STXBP5L: variants seen among roughly 807,000 people sequenced by gnomAD.
STXBP5L encodes syntaxin binding protein 5L, also known as syntaxin-binding protein 5-like.
STXBP5L carries 65 observed loss-of-function variants against 144.5 expected under a neutral mutation model. The ratio of observed to expected loss-of-function variants is 0.45; its 90% confidence interval spans 0.37 to 0.55. STXBP5L has a LOEUF of 0.55. Ranked by LOEUF, STXBP5L falls within the 20% of genes least tolerant of loss-of-function variation. The pLI, the probability that STXBP5L is intolerant of heterozygous loss-of-function variation, is 0.00. For missense variants in STXBP5L, 1,298 were observed against 1,405.5 expected (o/e 0.92, Z 1.22); for synonymous variants, 505 against 469.6 (o/e 1.08, Z -0.97).
chr3:121,234,523 T>C (rs1470336972), intron 12 of STXBP5L, among the ~76,000 whole-genome samples: 1 of 152,156 alleles, frequency 6.6e-6, no homozygotes, highest in African/African-American at 2.4e-5. Flanking sequence ...TATTTGCTGT[T>C]GCTTAAAGAT....
chr3:121,024,051 C>T (rs1413048106), intron 3 of STXBP5L, among the ~76,000 whole-genome samples: 1 of 152,038 alleles, frequency 6.6e-6, no homozygotes, highest in Non-Finnish European at 1.5e-5. Flanking sequence ...AGCCACCGTG[C>T]CTGGCCTAAA....
chr3:120,983,232 G>T (rs753646705), intron 3 of STXBP5L, among the ~76,000 whole-genome samples: 34 of 152,276 alleles, frequency 2.2e-4, no homozygotes, highest in Non-Finnish European at 3.5e-4. Flanking sequence ...TCTCAGAGTG[G>T]TGCTGGCTTC....
chr3:121,036,513 G>A (rs80064895), intron 3 of STXBP5L, among the ~76,000 whole-genome samples: 21,447 of 151,908 alleles, frequency 0.14, 1,668 homozygotes, highest in South Asian at 0.27. Context: ...CTAGTATCTA[G>A]CATGATAGTA....
intron 9 of STXBP5L, among the ~76,000 whole-genome samples, chr3:121,160,868 T>A (rs1310934338): frequency 6.6e-6 from 1 of 152,186 alleles, no homozygotes; most frequent in Non-Finnish European, 1.5e-5. Context: ...ACATATTTTT[T>A]ATTGGTTGCT....
intron 3 of STXBP5L, among the ~76,000 whole-genome samples, chr3:120,991,831 G>A (rs920702625): frequency 4.0e-5 from 6 of 149,786 alleles, no homozygotes; most frequent in Admixed American, 2.1e-4. Flanking sequence ...GCAGGGGGGA[G>A]GGATAGCATT....
chr3:121,358,817 G>C (rs1237672702), intron 20 of STXBP5L, among the ~76,000 whole-genome samples: 1 of 152,066 alleles, frequency 6.6e-6, no homozygotes, highest in African/African-American at 2.4e-5. Context: ...CAAATGACAG[G>C]CTTTTATTCT....
At chr3:121,343,093 G>C (rs560768514) in intron 20 of STXBP5L, among the ~76,000 whole-genome samples, 27 of 152,160 alleles carry the variant, frequency 1.8e-4, no homozygotes, top group Non-Finnish European at 1.3e-4. Context: ...TTCTCTGATA[G>C]CCAGTGATGG....
intron 19 of STXBP5L, among the ~76,000 whole-genome samples, chr3:121,315,400 C>T (rs2108524160): frequency 6.7e-6 from 1 of 148,824 alleles, no homozygotes; most frequent in South Asian, 2.1e-4. Flanking sequence ...AAACCAAACA[C>T]TACATATTCT....
intron 2 of STXBP5L, among the ~76,000 whole-genome samples, chr3:120,919,793 C>T (rs1709274840): frequency 6.6e-6 from 1 of 151,872 alleles, no homozygotes; most frequent in African/African-American, 2.4e-5. Flanking sequence ...ACTCTGTGAA[C>T]CATTTATATT....
chr3:121,305,750 A>C (rs1453911475), intron 19 of STXBP5L, among the ~76,000 whole-genome samples: 1 of 152,158 alleles, frequency 6.6e-6, no homozygotes, highest in Non-Finnish European at 1.5e-5. Context: ...GATGTTTACT[A>C]TCATCACTTT....
At chr3:121,014,083 C>G (rs1013765212) in intron 3 of STXBP5L, among the ~76,000 whole-genome samples, 1 of 152,068 alleles carries the variant, frequency 6.6e-6, no homozygotes, top group South Asian at 2.1e-4. Context: ...ATGCCTCCAG[C>G]TTTGTTCTTT....
chr3:121,021,063 A>T (rs1276172902), intron 3 of STXBP5L, among the ~76,000 whole-genome samples: 1 of 152,114 alleles, frequency 6.6e-6, no homozygotes, highest in African/African-American at 2.4e-5. Flanking sequence ...CTTAAGATAA[A>T]GGGGTGGAAA....
chr3:121,290,266 A>T (rs1360515810), intron 19 of STXBP5L, among the ~76,000 whole-genome samples: 2 of 152,138 alleles, frequency 1.3e-5, no homozygotes, highest in Non-Finnish European at 2.9e-5. Context: ...CAAGACTACT[A>T]TCATCACCTT....
intron 20 of STXBP5L, among the ~76,000 whole-genome samples, chr3:121,362,819 C>T (rs183494775): frequency 6.6e-6 from 1 of 152,192 alleles, no homozygotes; most frequent in African/African-American, 2.4e-5. Flanking sequence ...GCCCCATAGC[C>T]ACCACAGCTG....
intron 22 of STXBP5L, among the ~76,000 whole-genome samples, chr3:121,395,413 G>T (rs1033052796): frequency 4.6e-5 from 7 of 152,124 alleles, no homozygotes; most frequent in African/African-American, 1.4e-4. Flanking sequence ...TTTTCCAAAA[G>T]CATAGTCTTA....
At chr3:121,055,785 G>T (rs999516078) in intron 5 of STXBP5L, among the ~76,000 whole-genome samples, 10 of 151,766 alleles carry the variant, frequency 6.6e-5, no homozygotes, top group Non-Finnish European at 1.0e-4. Flanking sequence ...ACACAACCTT[G>T]AATTCCTGGG....
At chr3:121,103,166 A>G (rs2043515645) in intron 5 of STXBP5L, among the ~76,000 whole-genome samples, 1 of 152,092 alleles carries the variant, frequency 6.6e-6, no homozygotes, top group South Asian at 2.1e-4. Context: ...AAACTGAGCT[A>G]CCATTTGACC....
rs937855596 is a variant in STXBP5L at position 121,420,464 on chromosome 3, A to T, written c.*1367A>T. The T allele has an allele frequency of 6.6e-6, 1 of 152,166 alleles. No individual in the cohort carries two copies. Among genetic ancestry groups the T allele is most frequent in the African/African-American group, 2.4e-5 (1 of 41,448 alleles). 9.4% of individuals were successfully genotyped at this position (152,166 alleles called of 1,614,324 possible). A position where few individuals can be genotyped will look rare whatever the true frequency, so the allele number is the denominator to read the frequency against. On this transcript the variant is annotated 3_prime_UTR_variant, in exon 27 of 27. Transcript: ENST00000471454. ...AGATGCCAAACACTTGTCCCTTATT[A>T]AAGACTCTTTTAAAGCTGGAATAAA... is the stretch of plus-strand genomic sequence containing the variant.
chr3:121,082,548 C>A (rs1310035733), intron 5 of STXBP5L, among the ~76,000 whole-genome samples: 1 of 152,184 alleles, frequency 6.6e-6, no homozygotes, highest in Non-Finnish European at 1.5e-5. Flanking sequence ...AGGGCCAATG[C>A]TTGGTTAAAT....
Sources: allele counts gnomAD v4.1 joint callset (sites outside exome capture counted in the v4.1 genomes callset), GRCh38; gene constraint gnomAD v4.1.1; transcripts MANE v1.5; gene names NCBI Gene and HGNC (gene_info 2026-07-23, HGNC 2026-07-21).